The following HS3ST5 variants were observed in gnomAD, a reference collection of about 807,000 sequenced individuals.
HS3ST5 encodes the protein heparan sulfate-glucosamine 3-sulfotransferase 5.
Under a neutral mutation model 25.4 loss-of-function variants are expected in HS3ST5, and 10 were observed. The ratio of observed to expected loss-of-function variants is 0.39; its 90% CI spans 0.24 to 0.67. The LOEUF (loss-of-function observed/expected upper bound fraction) is 0.67. Among genes scored for constraint, HS3ST5 ranks in the 30% least tolerant of loss-of-function variants. The pLI is 0.44. For synonymous variants in HS3ST5, 170 were observed against 162.4 expected, an observed-to-expected ratio of 1.05 and a Z score of -0.36; for missense variants, 324 against 420.7, an observed-to-expected ratio of 0.77 and a Z score of 2.01.
chr6:114,328,245 AGAAGGAAGGAAGGAAAGAAG>A (rs1488488419), intron 1 of HS3ST5, among the ~76,000 whole-genome samples: 1 of 141,062 alleles, frequency 7.1e-6, no homozygotes, highest in Non-Finnish European at 1.6e-5. Context: ...AAGGAAGGAA[AGAAGGAAGGAAGGAAAGAAG>A]GAAGGAAGGA....
At chr6:114,208,934 T>C (rs1781394889) in intron 2 of HS3ST5, among the ~76,000 whole-genome samples, 1 of 152,164 alleles carries the variant, frequency 6.6e-6, no homozygotes, top group South Asian at 2.1e-4. Flanking sequence ...GGCTATACTA[T>C]AAGCTCACTA....
intron 1 of HS3ST5, among the ~76,000 whole-genome samples, chr6:114,328,475 A>T (rs1776261270): frequency 6.6e-6 from 1 of 152,150 alleles, no homozygotes. Flanking sequence ...ATCCTTGTAC[A>T]ATCTGCCTGT....
At chr6:114,091,410 G>C (rs1378626559) in intron 3 of HS3ST5, among the ~76,000 whole-genome samples, 2 of 152,134 alleles carry the variant, frequency 1.3e-5, no homozygotes, top group Non-Finnish European at 2.9e-5. Flanking sequence ...GGGTGCAGTG[G>C]CTCATGCCTG....
chr6:114,092,119 T>C (rs762622505), intron 3 of HS3ST5, among the ~76,000 whole-genome samples: 1 of 152,210 alleles, frequency 6.6e-6, no homozygotes, highest in Non-Finnish European at 1.5e-5. Flanking sequence ...ATTTCTGTGA[T>C]TCTCAGTTGC....
chr6:114,058,122 C>A lies in HS3ST5; in HGVS notation c.176G>T (p.Arg59Leu). The change falls in exon 5 of 5, where the codon CGC (arginine) becomes CTC (leucine). Residue 59 changes from arginine to leucine, a missense_variant. Coordinates refer to ENST00000312719, the MANE Select transcript of HS3ST5 (RefSeq NM_153612.4). ...GARTQAEFPL[R>L]ALQFKRGLLH... ...CAGGCCACGCTTAAACTGCAGGGCG[C>A]GAAGTGGGAATTCAGCCTGAGTGCG... 6.2e-7 allele frequency: 1 copy of A among 1,613,820 alleles called. No homozygotes were observed. The highest frequency in any genetic ancestry group is 8.5e-7 in the Non-Finnish European group (1 of 1,179,812).
intron 3 of HS3ST5, among the ~76,000 whole-genome samples, chr6:114,149,097 C>T (rs1352795885): frequency 6.6e-6 from 1 of 152,134 alleles, no homozygotes; most frequent in Non-Finnish European, 1.5e-5. Context: ...GCTGGTGAGG[C>T]TGTGGAGAAA....
intron 2 of HS3ST5, among the ~76,000 whole-genome samples, chr6:114,208,187 C>T (rs1294093419): frequency 6.6e-6 from 1 of 152,172 alleles, no homozygotes; most frequent in East Asian, 1.9e-4. Context: ...AAACTGGGGA[C>T]ACCCCAATGT....
chr6:114,323,634 A>G (rs898003304), intron 1 of HS3ST5, among the ~76,000 whole-genome samples: 1 of 152,172 alleles, frequency 6.6e-6, no homozygotes, highest in Non-Finnish European at 1.5e-5. Context: ...TATTATGAAG[A>G]TAACATATAA....
At chr6:114,162,720 C>A (rs1024580458) in intron 3 of HS3ST5, among the ~76,000 whole-genome samples, 1 of 152,168 alleles carries the variant, frequency 6.6e-6, no homozygotes, top group Non-Finnish European at 1.5e-5. Context: ...TGCTTCCTGG[C>A]CACTTGCACC....
At chr6:114,117,277 A>C (rs1776576082) in intron 3 of HS3ST5, among the ~76,000 whole-genome samples, 1 of 152,162 alleles carries the variant, frequency 6.6e-6, no homozygotes, top group Non-Finnish European at 1.5e-5. Flanking sequence ...TCTTGGCTCC[A>C]TGTGATCATG....
intron 2 of HS3ST5, among the ~76,000 whole-genome samples, chr6:114,221,570 G>A (rs144300415): frequency 7.9e-4 from 120 of 151,056 alleles, no homozygotes; most frequent in African/African-American, 2.7e-3. Flanking sequence ...TATTCCATGG[G>A]TTCTAAATTT....
intron 2 of HS3ST5, among the ~76,000 whole-genome samples, chr6:114,203,038 G>A (rs1039193460): frequency 5.3e-5 from 8 of 152,182 alleles, no homozygotes; most frequent in South Asian, 2.1e-4. Context: ...AGTTAACTGC[G>A]AAAGTGGCTA....
intron 1 of HS3ST5, among the ~76,000 whole-genome samples, chr6:114,286,093 T>G (rs1774328427): frequency 6.6e-6 from 1 of 151,988 alleles, no homozygotes; most frequent in South Asian, 2.1e-4. Flanking sequence ...CCTTTCCCGG[T>G]GTCTACTTTT....
intron 3 of HS3ST5, among the ~76,000 whole-genome samples, chr6:114,095,237 C>T (rs1055146133): frequency 1.3e-5 from 2 of 152,184 alleles, no homozygotes; most frequent in African/African-American, 4.8e-5. Flanking sequence ...TTAGTGCTTC[C>T]ATCTTCCCAG....
chr6:114,140,419 T>C (rs761864232), intron 3 of HS3ST5, among the ~76,000 whole-genome samples: 6 of 152,216 alleles, frequency 3.9e-5, no homozygotes, highest in South Asian at 2.1e-4. Context: ...TAAAAGTGGT[T>C]GGTAGATCTG....
intron 1 of HS3ST5, among the ~76,000 whole-genome samples, chr6:114,332,712 A>T (rs933301615): frequency 6.6e-6 from 1 of 152,156 alleles, no homozygotes; most frequent in Non-Finnish European, 1.5e-5. Context: ...ACTACCAAAC[A>T]GAGAAGCAGA....
intron 3 of HS3ST5, among the ~76,000 whole-genome samples, chr6:114,067,983 T>C (rs1344445869): frequency 6.6e-6 from 1 of 152,102 alleles, no homozygotes; most frequent in Non-Finnish European, 1.5e-5. Context: ...AGTAAAACAG[T>C]AGGATAGAAC....
chr6:114,221,310 T>A (rs1363428868), intron 2 of HS3ST5, among the ~76,000 whole-genome samples: 11 of 152,032 alleles, frequency 7.2e-5, no homozygotes, highest in Non-Finnish European at 1.6e-4. Flanking sequence ...TAAAAATTAC[T>A]ATAGGTGATT....
intron 3 of HS3ST5, among the ~76,000 whole-genome samples, chr6:114,107,882 T>C (rs1053608631): frequency 4.6e-5 from 7 of 152,176 alleles, no homozygotes; most frequent in African/African-American, 1.7e-4. Flanking sequence ...TGTTTATGGG[T>C]TAGAAAACAC....
Sources: allele counts gnomAD v4.1 joint callset (sites outside exome capture counted in the v4.1 genomes callset), GRCh38; gene constraint gnomAD v4.1.1; transcripts MANE v1.5; gene names NCBI Gene and HGNC (gene_info 2026-07-23, HGNC 2026-07-21).